The following COL6A5 variants were observed in gnomAD, a reference collection of about 807,000 sequenced individuals.
COL6A5 encodes collagen type VI alpha 5 chain, also known as collagen alpha-5(VI) chain.
In COL6A5, 48 loss-of-function variants were observed where a neutral mutation model predicts 65.6. The ratio of observed to expected loss-of-function variants is 0.73; its 90% CI spans 0.58 to 0.93. The LOEUF (loss-of-function observed/expected upper bound fraction) is 0.93, where lower values mean the gene tolerates loss of function less well. Among genes scored for constraint, COL6A5 ranks in the 40% least tolerant of loss-of-function variants. The probability of loss-of-function intolerance (pLI) is 0.00; values close to 1 mark genes in which losing one functional copy is unlikely to be tolerated. For synonymous variants in COL6A5, 291 were observed against 322.8 expected (o/e 0.90, Z 1.05); for missense variants, 914 against 928.3 (o/e 0.98, Z 0.20).
In COL6A5 at chr3:130,389,154, G is replaced by A. The variant is rs982044445; in HGVS notation, c.2416+20G>A. The A allele has an allele frequency of 2.2e-6, 3 of 1,389,016 alleles. No homozygotes were observed. Among genetic ancestry groups the A allele is most frequent in the African/African-American group, 1.4e-5 (1 of 69,004 alleles). 86.0% of individuals were successfully genotyped at this position (1,389,016 alleles called of 1,614,324 possible). A position where few individuals can be genotyped will look rare whatever the true frequency, so the allele number is the denominator to read the frequency against. On this transcript the variant is annotated intron_variant and NMD_transcript_variant, in intron 6 of 41. Coordinates refer to the COL6A5 transcript ENST00000312481. The stretch of plus-strand genomic sequence containing the variant: ...TCCATGGTAAGTGTCCCTGTTATCT[G>A]TCAGGACTAAAGGATGTGAGCTGTT...
chr3:130,481,085 T>G (rs929770688), intron 7 of COL6A5, among the ~76,000 whole-genome samples: 2 of 151,994 alleles, frequency 1.3e-5, no homozygotes, highest in Non-Finnish European at 2.9e-5. Context: ...CTGGGATACA[T>G]GTATAAAATG....
chr3:130,436,878 C>T (rs1052742418), intron 1 of COL6A5, among the ~76,000 whole-genome samples: 27 of 152,146 alleles, frequency 1.8e-4, no homozygotes, highest in African/African-American at 6.3e-4. Flanking sequence ...CATCCAGACT[C>T]AGGGTTTTAA....
At chr3:130,468,875 G>T in exon 6 of COL6A5, 1 of 1,611,888 alleles carries the variant, frequency 6.2e-7, no homozygotes, top group Non-Finnish European at 8.5e-7. Flanking sequence ...ATATTACATG[G>T]ATGTGGCTTT....
Position 130,469,323 on chromosome 3 carries a change from T to C in COL6A5, c.2075T>C (p.Ile692Thr), listed in dbSNP as rs368887568. ...AGAGCCAAGTGTCAAGGCTACTCCA[T>C]ATTTGTGTTTTCCTTTGGCCCTAAA... The change falls in exon 6 of 8, where the codon ATA becomes ACA. Residue 692 changes from isoleucine to threonine, a missense_variant. Ile to Thr is a moderately conservative substitution (Grantham distance 89). Coordinates refer to ENST00000512836, the Ensembl canonical transcript of COL6A5. 12 of 1,613,024 alleles carry C rather than the reference T, an allele frequency of 7.4e-6. No homozygotes were observed. The African/African-American group carries it at 1.1e-4, about 14-fold the overall frequency.
upstream of COL6A5, chr3:130,426,474 G>A (rs763046743): frequency 1.5e-4 from 223 of 1,441,946 alleles, no homozygotes; most frequent in Non-Finnish European, 2.0e-4. Flanking sequence ...ATGCAGTGTG[G>A]GTATGTGAGA....
intron 3 of COL6A5, among the ~76,000 whole-genome samples, chr3:130,378,242 C>T (rs1259365923): frequency 6.6e-6 from 1 of 152,016 alleles, no homozygotes; most frequent in East Asian, 1.9e-4. Flanking sequence ...AACACAAATC[C>T]CCCCTGTAAC....
chr3:130,417,470 C>T (rs977164700), intron 24 of COL6A5, among the ~76,000 whole-genome samples: 3 of 152,070 alleles, frequency 2.0e-5, no homozygotes, highest in African/African-American at 7.2e-5. Context: ...GCCCCCTTTC[C>T]CTAGGAGAGA....
At chr3:130,403,039 AC>A (rs1478822173) in intron 12 of COL6A5, among the ~76,000 whole-genome samples, 2 of 151,926 alleles carry the variant, frequency 1.3e-5, no homozygotes, top group Non-Finnish European at 2.9e-5. Flanking sequence ...CAGAAGCACA[AC>A]CCCCCTGGTA....
intron 28 of COL6A5, among the ~76,000 whole-genome samples, chr3:130,423,511 A>G (rs1237785742): frequency 6.6e-6 from 1 of 151,718 alleles, no homozygotes; most frequent in Non-Finnish European, 1.5e-5. Context: ...TCTTTTACAG[A>G]TGGGAGGTTT....
intron 20 of COL6A5, among the ~76,000 whole-genome samples, chr3:130,411,524 G>A (rs1937174537): frequency 6.6e-6 from 1 of 152,190 alleles, no homozygotes; most frequent in Admixed American, 6.5e-5. Flanking sequence ...AAGAGCTGGA[G>A]TTGGAAGGGG....
intron 1 of COL6A5, among the ~76,000 whole-genome samples, chr3:130,350,253 A>G (rs1248393548): frequency 1.3e-5 from 2 of 152,184 alleles, no homozygotes; most frequent in Admixed American, 6.5e-5. Context: ...GCGGCACAAG[A>G]CAAGGATACC....
exon 8 of COL6A5, chr3:130,484,243 A>C: frequency 1.8e-6 from 1 of 559,376 alleles, no homozygotes; most frequent in African/African-American, 1.9e-5. Flanking sequence ...GAGTGAAGAC[A>C]TCAGTAAGAA....
chr3:130,376,728 T>G (rs1465180893), exon 3 of COL6A5: 1 of 1,613,678 alleles, frequency 6.2e-7, no homozygotes, highest in Non-Finnish European at 8.5e-7. Flanking sequence ...CCATTTCCAT[T>G]TCAACCTTCG....
At chr3:130,455,156 A>C (rs1037755482) in intron 4 of COL6A5, among the ~76,000 whole-genome samples, 2 of 151,896 alleles carry the variant, frequency 1.3e-5, no homozygotes, top group Admixed American at 6.6e-5. Context: ...GTCTCAAAAA[A>C]AAAAAAACAA....
intron 7 of COL6A5, among the ~76,000 whole-genome samples, chr3:130,479,605 T>A (rs1710188344): frequency 6.6e-6 from 1 of 152,122 alleles, no homozygotes; most frequent in Non-Finnish European, 1.5e-5. Flanking sequence ...AGGCAGAGCA[T>A]GTGTGGATTG....
intron 4 of COL6A5, among the ~76,000 whole-genome samples, chr3:130,448,710 C>T (rs956757989): frequency 6.6e-6 from 1 of 152,088 alleles, no homozygotes; most frequent in East Asian, 1.9e-4. Flanking sequence ...AAATTGGGCT[C>T]GAACTGGTGA....
In COL6A5 at chr3:130,382,628, A is replaced by G. The variant is rs562530605; in HGVS notation, c.1301-2176A>G. On this transcript the variant is annotated intron_variant and NMD_transcript_variant, in intron 4 of 41. Coordinates refer to the COL6A5 transcript ENST00000312481. ...AGGCTAGCAACATTTAAGACCTACT[A>G]CCTTAGTGAAGTTTCTGTGATCTAG... Among the ~76,000 whole-genome samples the G allele has an allele frequency of 8.9e-4, 136 of 152,200 alleles. 1 individual carries two copies. The highest frequency in any genetic ancestry group is 3.1e-3 in the African/African-American group (128 of 41,548).
intron 2 of COL6A5, 131 bp downstream of exon 34, chr3:130,439,746 A>G (rs1709130759): frequency 5.8e-6 from 4 of 686,954 alleles, no homozygotes; most frequent in Admixed American, 6.1e-5. Flanking sequence ...TAGTTTTTCA[A>G]TACCATATGT....
intron 25 of COL6A5, among the ~76,000 whole-genome samples, chr3:130,419,809 G>T (rs13063898): frequency 3.1e-4 from 47 of 152,004 alleles, no homozygotes; most frequent in Non-Finnish European, 5.7e-4. Flanking sequence ...CAATTAGAAA[G>T]AAGTAATAAG....
Sources: gnomAD v4.1 joint callset for allele counts (sites outside exome capture counted in the v4.1 genomes callset) on GRCh38, gnomAD v4.1.1 for gene constraint, MANE v1.5 for transcripts, NCBI Gene and HGNC (gene_info 2026-07-23, HGNC 2026-07-21) for gene names.